PRKN: variants seen among roughly 807,000 people sequenced by gnomAD.
The protein encoded by PRKN is parkin RBR E3 ubiquitin protein ligase.
A neutral mutation model predicts 59.5 loss-of-function variants in PRKN; 56 were observed. The ratio of observed to expected loss-of-function variants is 0.94; its 90% CI spans 0.76 to 1.18. The LOEUF (loss-of-function observed/expected upper bound fraction) is 1.18. Ranked by LOEUF, PRKN falls within the 50% of genes most tolerant of loss-of-function variation. The pLI is 0.00. For synonymous variants in PRKN, 250 were observed against 222.1 expected (o/e 1.13, Z -1.12); for missense variants, 657 against 596.4 (o/e 1.10, Z -1.06).
At chr6:162,016,997 A>G (rs894381420) in intron 5 of PRKN, among the ~76,000 whole-genome samples, 3 of 152,128 alleles carry the variant, frequency 2.0e-5, no homozygotes, top group Non-Finnish European at 4.4e-5. Flanking sequence ...GTGCAACTCA[A>G]ACATCCGCCT....
intron 1 of PRKN, among the ~76,000 whole-genome samples, chr6:162,692,760 G>A (rs1396986461): frequency 6.6e-6 from 1 of 152,102 alleles, no homozygotes; most frequent in Non-Finnish European, 1.5e-5. Context: ...TACCTTTGTT[G>A]ATTTGAATCT....
intron 7 of PRKN, among the ~76,000 whole-genome samples, chr6:161,702,427 C>A (rs1259281290): frequency 4.6e-5 from 7 of 152,144 alleles, no homozygotes; most frequent in Non-Finnish European, 1.0e-4. Context: ...GTGAAATAAG[C>A]CAGTCACCAA....
rs376744953 is a variant in PRKN at position 162,709,204 on chromosome 6, T to A, written c.7+18458A>T. On this transcript the variant is annotated intron_variant, in intron 1 of 11. Transcript: ENST00000366898. ...TGTAATATATAATTATTTCATTATATATTACAATGTAATAAAGGGCACAAT... is the reference window on the plus strand; with the variant it reads ...TGTAATATATAATTATTTCATTATAAATTACAATGTAATAAAGGGCACAAT... Among the ~76,000 whole-genome samples, 516 of 152,248 alleles carry A rather than the reference T, an allele frequency of 3.4e-3. 1 individual carries two copies. The highest frequency in any genetic ancestry group is 8.5e-3 in the African/African-American group (352 of 41,552).
chr6:161,894,874 T>C (rs1777554069), intron 6 of PRKN, among the ~76,000 whole-genome samples: 2 of 152,228 alleles, frequency 1.3e-5, no homozygotes, highest in South Asian at 2.1e-4. Flanking sequence ...TTAATGAGGA[T>C]ATGATTTGGT....
intron 7 of PRKN, among the ~76,000 whole-genome samples, chr6:161,682,823 G>A (rs905603267): frequency 6.6e-6 from 1 of 152,160 alleles, no homozygotes; most frequent in East Asian, 1.9e-4. Context: ...GCACCACACA[G>A]TAGAGGGTGA....
At chr6:161,629,193 GT>G (rs1783203532) in intron 7 of PRKN, among the ~76,000 whole-genome samples, 1 of 152,194 alleles carries the variant, frequency 6.6e-6, no homozygotes, top group East Asian at 1.9e-4. Context: ...CCTTGAAGGC[GT>G]TTGCTCAAAA....
chr6:161,637,965 T>C (rs6455740), intron 7 of PRKN, among the ~76,000 whole-genome samples: 103,036 of 152,110 alleles, frequency 0.68, 36,859 homozygotes, highest in African/African-American at 0.92. Context: ...TGGCTTTCCA[T>C]ACAGTCTTAA....
At chr6:162,045,353 CA>C (rs1784212163) in intron 5 of PRKN, among the ~76,000 whole-genome samples, 1 of 152,136 alleles carries the variant, frequency 6.6e-6, no homozygotes, top group Non-Finnish European at 1.5e-5. Context: ...AGATGATCAC[CA>C]CTGAAGTTAT....
intron 1 of PRKN, among the ~76,000 whole-genome samples, chr6:162,631,677 C>T (rs1380751059): frequency 7.2e-5 from 11 of 152,024 alleles, no homozygotes; most frequent in African/African-American, 2.7e-4. Context: ...TTTTGCTGTG[C>T]AAGCTCAGTA....
intron 1 of PRKN, among the ~76,000 whole-genome samples, chr6:162,525,120 A>G (rs2846482): frequency 0.75 from 113,971 of 152,122 alleles, 45,580 homozygotes; most frequent in South Asian, 0.92. Context: ...CCCAGCCCAC[A>G]CCTGGGCTCC....
chr6:161,719,822 G>C lies in PRKN; in HGVS notation c.871+65950C>G, dbSNP rs573712596. 3.3e-5 allele frequency among the ~76,000 whole-genome samples: 5 copies of C among 152,284 alleles called. 1 individual carries two copies. The South Asian group carries it at 1.0e-3, about 32-fold the overall frequency. ...GTTTTTTAAATATTTTGTAGAGACG[G>C]TTTCTCGCTATGGTGCCCAAGCTGG... On this transcript the variant is annotated intron_variant, in intron 7 of 11. Transcript: ENST00000366898.
At chr6:162,156,398 T>C (rs573208841) in intron 4 of PRKN, among the ~76,000 whole-genome samples, 1 of 152,240 alleles carries the variant, frequency 6.6e-6, no homozygotes, top group South Asian at 2.1e-4. Flanking sequence ...AGGAAGTCAG[T>C]CTGACTCCTA....
chr6:161,634,760 T>C (rs78359628), intron 7 of PRKN, among the ~76,000 whole-genome samples: 2,461 of 152,286 alleles, frequency 0.016, 62 homozygotes, highest in African/African-American at 0.057. Context: ...TCCACATTAG[T>C]AGGCTTCAAG....
chr6:162,492,915 T>G (rs544671384), intron 1 of PRKN, among the ~76,000 whole-genome samples: 1 of 143,382 alleles, frequency 7.0e-6, no homozygotes, highest in East Asian at 2.0e-4. Flanking sequence ...ATCCCGCCAC[T>G]GCACTCCAGC....
At chr6:161,768,482 T>G (rs1249689571) in intron 7 of PRKN, among the ~76,000 whole-genome samples, 3 of 152,250 alleles carry the variant, frequency 2.0e-5, no homozygotes, top group African/African-American at 2.4e-5. Context: ...GAATTGATTA[T>G]GAATACCAAT....
intron 6 of PRKN, among the ~76,000 whole-genome samples, chr6:161,796,134 C>T (rs749940372): frequency 4.6e-5 from 7 of 152,054 alleles, no homozygotes; most frequent in Admixed American, 1.3e-4. Flanking sequence ...TACAAAGCCA[C>T]GATTACAAGA....
chr6:162,006,867 A>C (rs895018409), intron 5 of PRKN, among the ~76,000 whole-genome samples: 1 of 152,096 alleles, frequency 6.6e-6, no homozygotes, highest in Non-Finnish European at 1.5e-5. Context: ...CGCCCAATGA[A>C]CCCCAGAATA....
rs567498612 is a variant in PRKN at position 161,574,144 on chromosome 6, G to T, written c.872-4728C>A. Among the ~76,000 whole-genome samples, 3 of 152,162 alleles carry T rather than the reference G, an allele frequency of 2.0e-5. No homozygotes were observed. The East Asian group carries it at 5.8e-4, about 30-fold the overall frequency. On this transcript the variant is annotated intron_variant, in intron 7 of 11. Transcript: ENST00000366898. Reference sequence around the variant, plus strand: ...AAGATATTTAAGAAGACCGTGGACGGCTATCTGCAAACTGTGCTCATCACA... The same window carrying T: ...AAGATATTTAAGAAGACCGTGGACGTCTATCTGCAAACTGTGCTCATCACA...
At chr6:161,703,876 T>C (rs918731059) in intron 7 of PRKN, among the ~76,000 whole-genome samples, 1 of 125,132 alleles carries the variant, frequency 8.0e-6, no homozygotes, top group Non-Finnish European at 1.7e-5. Context: ...TTTTTTTTTT[T>C]ACAGAGTCTT....
Sources: allele counts gnomAD v4.1 joint callset (sites outside exome capture counted in the v4.1 genomes callset), GRCh38; gene constraint gnomAD v4.1.1; transcripts MANE v1.5; gene names NCBI Gene and HGNC (gene_info 2026-07-23, HGNC 2026-07-21).